The following ANAPC10 variants were observed in gnomAD, a reference collection of about 807,000 sequenced individuals.
The protein encoded by ANAPC10 is anaphase-promoting complex subunit 10.
A neutral mutation model predicts 22.0 loss-of-function variants in ANAPC10; 12 were observed. That is an observed-to-expected ratio of 0.55 (90% CI 0.35 to 0.88). The LOEUF is 0.88. Among genes scored for constraint, ANAPC10 ranks in the 40% least tolerant of loss-of-function variants. The pLI is 0.01. For synonymous variants in ANAPC10, 65 were observed against 69.5 expected (o/e 0.94, Z 0.32); for missense variants, 188 against 220.9 (o/e 0.85, Z 0.94).
intron 4 of ANAPC10, among the ~76,000 whole-genome samples, chr4:145,011,481 A>C (rs1235990855): frequency 6.6e-6 from 1 of 152,112 alleles, no homozygotes; most frequent in Non-Finnish European, 1.5e-5. Flanking sequence ...TATAGGTATC[A>C]GAGACAAGCA....
chr4:145,088,624 T>A (rs1389705685), intron 2 of ANAPC10, among the ~76,000 whole-genome samples: 4 of 152,118 alleles, frequency 2.6e-5, no homozygotes, highest in Non-Finnish European at 5.9e-5. Flanking sequence ...TTCTTAATCC[T>A]AGTCCAAATC....
At position 145,061,228 on chromosome 4, in the gene ANAPC10, A is replaced by G. The variant is rs534341454; in HGVS notation, c.327+3344T>C. 2.0e-5 allele frequency among the ~76,000 whole-genome samples: 3 copies of G among 152,296 alleles called. No homozygotes were observed. The East Asian group carries it at 5.8e-4, about 29-fold the overall frequency. The stretch of plus-strand genomic sequence containing the variant: ...CTATATGGCTAATGTTTCAGCACTT[A>G]GATGACATAATAGAAGCAAAGACTA... On this transcript the variant is annotated intron_variant, in intron 4 of 4. Coordinates refer to ENST00000507656, the MANE Select transcript of ANAPC10 (RefSeq NM_001256706.2).
chr4:145,076,297 C>T (rs575137129), intron 3 of ANAPC10, among the ~76,000 whole-genome samples: 11 of 152,310 alleles, frequency 7.2e-5, no homozygotes, highest in African/African-American at 2.6e-4. Context: ...TTCAAAGGCC[C>T]TCTGGATTAC....
rs140271206 is a variant in ANAPC10 at position 145,059,834 on chromosome 4, T to C, written c.327+4738A>G. Among the ~76,000 whole-genome samples, 6 of 152,186 alleles carry C rather than the reference T, an allele frequency of 3.9e-5. No individual in the cohort carries two copies. The East Asian group carries it at 1.2e-3, about 29-fold the overall frequency. On this transcript the variant is annotated intron_variant, in intron 4 of 4. Transcript: ENST00000507656. ...ACATCTAAAATATAATGTTCTTTGG[T>C]CCATTGCTCTAAATGATAAAAAAAA...
intron 3 of ANAPC10, among the ~76,000 whole-genome samples, chr4:145,073,099 T>C (rs1029823513): frequency 2.0e-5 from 3 of 152,152 alleles, no homozygotes. Context: ...TTGCTTTATC[T>C]CTCAGGCCAG....
intron 4 of ANAPC10, among the ~76,000 whole-genome samples, chr4:144,996,141 G>A (rs1731574066): frequency 6.6e-6 from 1 of 152,194 alleles, no homozygotes; most frequent in African/African-American, 2.4e-5. Context: ...AGCCAGGAGA[G>A]GCTCCTGGAT....
chr4:145,085,577 G>T, intron 2 of ANAPC10, among the ~76,000 whole-genome samples: 1 of 151,548 alleles, frequency 6.6e-6, no homozygotes, highest in Non-Finnish European at 1.5e-5. Context: ...ACACAAATCT[G>T]AATAATTTAT....
intron 4 of ANAPC10, among the ~76,000 whole-genome samples, chr4:145,009,234 T>C (rs1733913225): frequency 6.6e-6 from 1 of 152,034 alleles, no homozygotes; most frequent in Non-Finnish European, 1.5e-5. Flanking sequence ...GAAGAATCAA[T>C]ATCATGAAAA....
intron 4 of ANAPC10, among the ~76,000 whole-genome samples, chr4:145,059,112 T>A (rs763202359): frequency 6.6e-6 from 1 of 152,144 alleles, no homozygotes; most frequent in Non-Finnish European, 1.5e-5. Context: ...CCACTTTATA[T>A]CAAATTGTTT....
intron 4 of ANAPC10, among the ~76,000 whole-genome samples, chr4:145,060,898 TAGAA>T (rs1457385600): frequency 2.6e-5 from 4 of 152,018 alleles, no homozygotes; most frequent in Non-Finnish European, 5.9e-5. Flanking sequence ...CTATTTAACT[TAGAA>T]AGAAAAAAAG....
intron 4 of ANAPC10, among the ~76,000 whole-genome samples, chr4:145,047,963 T>C (rs1454409850): frequency 6.6e-6 from 1 of 152,138 alleles, no homozygotes; most frequent in Non-Finnish European, 1.5e-5. Flanking sequence ...TCATAACCTC[T>C]GGGCTATGAT....
At chr4:144,997,958 C>T (rs1216773870) in intron 4 of ANAPC10, among the ~76,000 whole-genome samples, 2 of 152,048 alleles carry the variant, frequency 1.3e-5, no homozygotes, top group African/African-American at 4.8e-5. Flanking sequence ...AGACTTTAAA[C>T]CAACAAAGAT....
At chr4:145,051,775 C>T (rs888455812) in intron 4 of ANAPC10, among the ~76,000 whole-genome samples, 1 of 151,874 alleles carries the variant, frequency 6.6e-6, no homozygotes, top group African/African-American at 2.4e-5. Flanking sequence ...ATGGATTGGC[C>T]AGATTCACCA....
chr4:145,005,387 T>C (rs1230927973), intron 4 of ANAPC10, among the ~76,000 whole-genome samples: 1 of 152,210 alleles, frequency 6.6e-6, no homozygotes, highest in Non-Finnish European at 1.5e-5. Context: ...GCTAGCAGTC[T>C]ATCTTATTCT....
chr4:145,008,156 T>C (rs889689702), intron 4 of ANAPC10, among the ~76,000 whole-genome samples: 3 of 152,088 alleles, frequency 2.0e-5, no homozygotes, highest in Non-Finnish European at 4.4e-5. Context: ...AATCCCTCAA[T>C]AGACCAATAA....
chr4:145,000,238 A>C (rs1732313152), intron 4 of ANAPC10, among the ~76,000 whole-genome samples: 1 of 152,222 alleles, frequency 6.6e-6, no homozygotes, highest in African/African-American at 2.4e-5. Context: ...TGCACGGCAA[A>C]AGAAACTACC....
chr4:145,012,185 T>C (rs1227415033), intron 4 of ANAPC10, among the ~76,000 whole-genome samples: 1 of 144,134 alleles, frequency 6.9e-6, no homozygotes, highest in Non-Finnish European at 1.5e-5. Flanking sequence ...TGTATATATA[T>C]ATATATATAT....
At chr4:145,074,460 G>C (rs1182975784) in intron 3 of ANAPC10, among the ~76,000 whole-genome samples, 1 of 151,990 alleles carries the variant, frequency 6.6e-6, no homozygotes, top group Non-Finnish European at 1.5e-5. Flanking sequence ...GAAAAACCAA[G>C]AAATATGAAA....
chr4:145,018,124 A>AT (rs375095644), intron 4 of ANAPC10, among the ~76,000 whole-genome samples: 41,683 of 147,792 alleles, frequency 0.28, 7,198 homozygotes, highest in Non-Finnish European at 0.38. Flanking sequence ...TAATAAAAAA[A>AT]ATATATATAT....
Sources: gnomAD v4.1 joint callset for allele counts (sites outside exome capture counted in the v4.1 genomes callset) on GRCh38, gnomAD v4.1.1 for gene constraint, MANE v1.5 for transcripts, NCBI Gene and HGNC (gene_info 2026-07-23, HGNC 2026-07-21) for gene names.